AUTS2: variants seen among roughly 807,000 people sequenced by gnomAD.
The protein encoded by AUTS2 is autism susceptibility gene 2 protein.
In AUTS2, 17 loss-of-function variants were observed where a neutral mutation model predicts 112.4. That is an observed-to-expected ratio of 0.15 (90% CI 0.10 to 0.23). AUTS2 has a LOEUF of 0.23. Among genes scored for constraint, AUTS2 ranks in the 10% least tolerant of loss-of-function variants. The pLI is 1.00. For missense variants in AUTS2, 1,510 were observed against 1,701.6 expected (o/e 0.89, Z 1.98); for synonymous variants, 751 against 702.7 (o/e 1.07, Z -1.09).
At chr7:70,596,449 G>C (rs1319075358) in intron 5 of AUTS2, 2 of 152,226 alleles carry the variant, frequency 1.3e-5, no homozygotes, top group Non-Finnish European at 2.9e-5. Context: ...GGTACCGCAC[G>C]GCTGCCACCC....
At chr7:69,660,255 T>G (rs1795732301) in intron 1 of AUTS2, among the ~76,000 whole-genome samples, 1 of 152,260 alleles carries the variant, frequency 6.6e-6, no homozygotes, top group Non-Finnish European at 1.5e-5. Context: ...GTTTTCCTTT[T>G]GTACCTATGT....
chr7:70,364,407 A>G (rs753918791), intron 4 of AUTS2, among the ~76,000 whole-genome samples: 3 of 151,872 alleles, frequency 2.0e-5, no homozygotes, highest in African/African-American at 7.3e-5. Context: ...TACTAAAAAT[A>G]CAAAAAAAAT....
intron 5 of AUTS2, among the ~76,000 whole-genome samples, chr7:70,472,704 G>A (rs757221269): frequency 1.3e-5 from 2 of 152,152 alleles, no homozygotes; most frequent in African/African-American, 2.4e-5. Context: ...TAGGGCAATA[G>A]ATCTGTAAGT....
chr7:70,262,850 C>T (rs1018902545), intron 4 of AUTS2, among the ~76,000 whole-genome samples: 4 of 152,100 alleles, frequency 2.6e-5, no homozygotes, highest in Non-Finnish European at 5.9e-5. Flanking sequence ...ATAATGAGGA[C>T]AATTCTGGGT....
intron 2 of AUTS2, among the ~76,000 whole-genome samples, chr7:69,948,448 A>G (rs1796900012): frequency 6.6e-6 from 1 of 152,228 alleles, no homozygotes; most frequent in African/African-American, 2.4e-5. Context: ...AAATAAAAAC[A>G]TACACCTCCA....
intron 2 of AUTS2, among the ~76,000 whole-genome samples, chr7:69,924,498 A>G (rs961187505): frequency 1.3e-5 from 2 of 151,662 alleles, no homozygotes; most frequent in Non-Finnish European, 2.9e-5. Flanking sequence ...GAGTTTGTGT[A>G]GAATTGTTAT....
At chr7:70,480,651 C>T (rs1238479222) in intron 5 of AUTS2, among the ~76,000 whole-genome samples, 2 of 152,262 alleles carry the variant, frequency 1.3e-5, no homozygotes, top group African/African-American at 4.8e-5. Flanking sequence ...AATCCACAGC[C>T]CTGTTCTGTG....
intron 1 of AUTS2, among the ~76,000 whole-genome samples, chr7:69,661,940 T>C (rs983937775): frequency 6.6e-5 from 10 of 152,210 alleles, no homozygotes; most frequent in Non-Finnish European, 1.0e-4. Flanking sequence ...ACCTCATGAA[T>C]GTGAAGGGGG....
chr7:70,031,422 C>T (rs1037582520), intron 2 of AUTS2, among the ~76,000 whole-genome samples: 12 of 152,048 alleles, frequency 7.9e-5, no homozygotes, highest in Admixed American at 4.6e-4. Flanking sequence ...GCAGTCAGAC[C>T]GAAGAGAGCA....
At chr7:70,528,105 T>TA (rs67532733) in intron 5 of AUTS2, among the ~76,000 whole-genome samples, 9,959 of 112,740 alleles carry the variant, frequency 0.088, 697 homozygotes, top group African/African-American at 0.21. Flanking sequence ...TTTTTTTTTT[T>TA]TTTTTTTTTT....
At chr7:70,128,087 G>C (rs573190651) in intron 3 of AUTS2, among the ~76,000 whole-genome samples, 1 of 152,006 alleles carries the variant, frequency 6.6e-6, no homozygotes, top group Non-Finnish European at 1.5e-5. Flanking sequence ...ATCTAATCTC[G>C]ACCTGACAAG....
intron 1 of AUTS2, among the ~76,000 whole-genome samples, chr7:69,680,912 C>T (rs565444923): frequency 3.3e-5 from 5 of 152,308 alleles, no homozygotes; most frequent in South Asian, 2.1e-4. Context: ...TCAAGTAATC[C>T]GCCAGCCTCA....
Position 70,791,335 on chromosome 7 carries a change from A to C in AUTS2, c.*339A>C. ...GCGGTGGGGGGGAGAAGTCCACGCC[A>C]TCCATCATGCAAAATTCTTTCAGAT... On this transcript the variant is annotated 3_prime_UTR_variant, in exon 19 of 19. Coordinates refer to ENST00000342771, the MANE Select transcript of AUTS2 (RefSeq NM_015570.4). 4.9e-6 allele frequency: 1 copy of C among 203,452 alleles called. No individual in the cohort carries two copies. The highest frequency in any genetic ancestry group is 9.8e-6 in the Non-Finnish European group (1 of 102,224). The allele number at this position is 203,452 out of a possible 1,614,324, so 12.6% of individuals were successfully genotyped here. A position where few individuals can be genotyped will look rare whatever the true frequency, so the allele number is the denominator to read the frequency against.
intron 1 of AUTS2, among the ~76,000 whole-genome samples, chr7:69,684,500 G>C (rs1796968177): frequency 1.3e-5 from 2 of 152,136 alleles, no homozygotes. Context: ...TAAATTGTGA[G>C]TGAACCAGAC....
chr7:70,569,962 G>A (rs140473380), intron 5 of AUTS2, among the ~76,000 whole-genome samples: 13 of 152,130 alleles, frequency 8.5e-5, no homozygotes, highest in Admixed American at 1.3e-4. Context: ...GGCAGCTAAC[G>A]AAGATGCCTC....
At chr7:69,729,174 C>T (rs1338620945) in intron 1 of AUTS2, among the ~76,000 whole-genome samples, 2 of 151,952 alleles carry the variant, frequency 1.3e-5, no homozygotes, top group African/African-American at 4.8e-5. Context: ...ACTTTAAACT[C>T]ATTTATAGGA....
chr7:70,017,836 T>C (rs1800098632), intron 2 of AUTS2, among the ~76,000 whole-genome samples: 2 of 148,250 alleles, frequency 1.3e-5, no homozygotes, highest in South Asian at 4.2e-4. Context: ...TTTATATTTA[T>C]AGATTTCTTT....
intron 2 of AUTS2, among the ~76,000 whole-genome samples, chr7:69,919,454 G>A (rs952369774): frequency 6.6e-6 from 1 of 152,166 alleles, no homozygotes; most frequent in Non-Finnish European, 1.5e-5. Context: ...CACTTAAGAG[G>A]TATCGCAGAC....
chr7:70,080,789 T>G (rs1803265582), intron 2 of AUTS2, among the ~76,000 whole-genome samples: 1 of 152,194 alleles, frequency 6.6e-6, no homozygotes, highest in South Asian at 2.1e-4. Flanking sequence ...GAAACCTTTC[T>G]GATTATGGAA....
Sources: gnomAD v4.1 joint callset for allele counts (sites outside exome capture counted in the v4.1 genomes callset) on GRCh38, gnomAD v4.1.1 for gene constraint, MANE v1.5 for transcripts, NCBI Gene and HGNC (gene_info 2026-07-23, HGNC 2026-07-21) for gene names.